ADAM22: variants seen among roughly 807,000 people sequenced by gnomAD.
The protein encoded by ADAM22 is disintegrin and metalloproteinase domain-containing protein 22.
ADAM22 carries 65 observed loss-of-function variants against 144.6 expected under a neutral mutation model. The ratio of observed to expected loss-of-function variants is 0.45; its 90% confidence interval spans 0.37 to 0.55. The LOEUF is 0.55. ADAM22 is among the 20% of genes least tolerant of loss of function. ADAM22 has a pLI of 0.00. For synonymous variants in ADAM22, 391 were observed against 412.6 expected, an observed-to-expected ratio of 0.95 and a Z score of 0.63; for missense variants, 974 against 1,184.9, an observed-to-expected ratio of 0.82 and a Z score of 2.61.
At chr7:88,053,545 CAAAAAAGAAAGA>C (rs1563113421) in intron 3 of ADAM22, among the ~76,000 whole-genome samples, 1 of 103,298 alleles carries the variant, frequency 9.7e-6, no homozygotes, top group Non-Finnish European at 2.0e-5. Context: ...CAGGATAACT[CAAAAAAGAAAGA>C]AAGAAAGAAG....
chr7:88,170,640 G>C (rs977068399), intron 25 of ADAM22, among the ~76,000 whole-genome samples: 1 of 151,864 alleles, frequency 6.6e-6, no homozygotes, highest in African/African-American at 2.4e-5. Context: ...GTTATCAAAC[G>C]TGATATGTAT....
At chr7:88,182,750 ACCT>A (rs765061719) in intron 29 of ADAM22, among the ~76,000 whole-genome samples, 15 of 152,076 alleles carry the variant, frequency 9.9e-5, no homozygotes, top group Non-Finnish European at 1.5e-5. Flanking sequence ...GCAAAACAAA[ACCT>A]CCTCAAATCT....
chr7:87,941,271 A>G (rs970495042), intron 2 of ADAM22, among the ~76,000 whole-genome samples: 2 of 152,210 alleles, frequency 1.3e-5, no homozygotes, highest in Non-Finnish European at 2.9e-5. Flanking sequence ...CCAGTAACAA[A>G]TGGGAAAAAT....
chr7:88,181,778 G>A (rs762763772), intron 28 of ADAM22, among the ~76,000 whole-genome samples, 173 bp downstream of exon 28: 6 of 152,086 alleles, frequency 3.9e-5, no homozygotes, highest in South Asian at 2.1e-4. Flanking sequence ...GATGGGATTC[G>A]GCAGCACCAG....
chr7:88,029,980 A>G (rs1313547126), intron 3 of ADAM22, among the ~76,000 whole-genome samples: 1 of 151,906 alleles, frequency 6.6e-6, no homozygotes, highest in African/African-American at 2.4e-5. Context: ...GGTGTTCTGT[A>G]ATCTTCTTGT....
chr7:88,108,492 G>T (rs185098957), intron 5 of ADAM22, among the ~76,000 whole-genome samples: 1 of 151,944 alleles, frequency 6.6e-6, no homozygotes, highest in South Asian at 2.1e-4. Context: ...CTTTGGGGGG[G>T]TCTAGGCAGG....
intron 4 of ADAM22, among the ~76,000 whole-genome samples, chr7:88,091,390 A>G (rs943616685): frequency 6.6e-6 from 1 of 152,200 alleles, no homozygotes. Flanking sequence ...ATATATTCCT[A>G]TAAGTGCTCA....
chr7:88,067,905 A>G (rs1811705589), intron 3 of ADAM22, among the ~76,000 whole-genome samples: 1 of 152,208 alleles, frequency 6.6e-6, no homozygotes, highest in East Asian at 1.9e-4. Flanking sequence ...AATTATATTT[A>G]CAAACTGGAA....
intron 2 of ADAM22, among the ~76,000 whole-genome samples, chr7:87,965,074 T>C (rs1848748400): frequency 6.6e-6 from 1 of 152,198 alleles, no homozygotes; most frequent in Admixed American, 6.5e-5. Context: ...AGTGTGTTCT[T>C]CCTACCAGTC....
intron 19 of ADAM22, 107 bp from the exon 20 acceptor site, chr7:88,151,150 G>A (rs1013148718): frequency 6.6e-7 from 1 of 1,510,180 alleles, no homozygotes; most frequent in Non-Finnish European, 9.2e-7. Flanking sequence ...AAGATAAAAG[G>A]CCTCTCTACT....
At chr7:87,946,430 G>T (rs1042540495) in intron 2 of ADAM22, among the ~76,000 whole-genome samples, 1 of 152,126 alleles carries the variant, frequency 6.6e-6, no homozygotes, top group Admixed American at 6.6e-5. Flanking sequence ...TGAGGACTCG[G>T]TCATAAATTC....
intron 12 of ADAM22, among the ~76,000 whole-genome samples, chr7:88,133,507 C>A (rs915862380): frequency 6.6e-6 from 1 of 151,904 alleles, no homozygotes; most frequent in Non-Finnish European, 1.5e-5. Flanking sequence ...TCATGTTATG[C>A]TTGGAATAAT....
intron 11 of ADAM22, chr7:88,132,225 A>ATAATAATATATAC: frequency 6.6e-6 from 1 of 151,846 alleles, no homozygotes; most frequent in South Asian, 2.1e-4. Context: ...TAAATAGTAT[A>ATAATAATATATAC]TATTCTCTAA....
chr7:88,142,609 C>T (rs933264141), intron 14 of ADAM22, among the ~76,000 whole-genome samples: 7 of 152,010 alleles, frequency 4.6e-5, no homozygotes, highest in South Asian at 2.1e-4. Context: ...GAGGCCGAGG[C>T]GGGCGGATCA....
Position 88,043,847 on chromosome 7 carries a change from C to G in ADAM22, c.324-31779C>G, listed in dbSNP as rs934355605. Reference sequence around the variant, plus strand: ...TCAGATACATCCATGCAAATCCACACAAGTCCATATGTGGATGTAAATTGT... The same window carrying G: ...TCAGATACATCCATGCAAATCCACAGAAGTCCATATGTGGATGTAAATTGT... On this transcript the variant is annotated intron_variant, in intron 3 of 31. Coordinates refer to ENST00000413139, the MANE Select transcript of ADAM22 (RefSeq NM_001324418.2). 5.6e-4 allele frequency among the ~76,000 whole-genome samples: 85 copies of G among 152,298 alleles called. 1 individual carries two copies. The highest frequency in any genetic ancestry group is 1.9e-3 in the African/African-American group (80 of 41,570).
chr7:88,063,365 C>T (rs1001451704), intron 3 of ADAM22, among the ~76,000 whole-genome samples: 4 of 151,984 alleles, frequency 2.6e-5, no homozygotes, highest in Non-Finnish European at 5.9e-5. Context: ...AATAAAAGTT[C>T]TCCCAGAAAA....
chr7:88,051,640 C>T (rs536260842), intron 3 of ADAM22, among the ~76,000 whole-genome samples: 40 of 151,806 alleles, frequency 2.6e-4, no homozygotes, highest in South Asian at 4.2e-4. Flanking sequence ...ACATGGCACA[C>T]GTATACATAT....
chr7:88,083,959 C>T (rs2129483593), intron 4 of ADAM22, among the ~76,000 whole-genome samples: 1 of 152,164 alleles, frequency 6.6e-6, no homozygotes, highest in African/African-American at 2.4e-5. Flanking sequence ...CTTTTATTCC[C>T]ATCCCTTTTC....
intron 3 of ADAM22, among the ~76,000 whole-genome samples, chr7:88,029,859 C>G (rs943805654): frequency 4.2e-5 from 6 of 142,344 alleles, no homozygotes; most frequent in Admixed American, 3.5e-4. Flanking sequence ...ATTGGAACTT[C>G]ATTGTAGTTT....
Sources: allele counts gnomAD v4.1 joint callset (sites outside exome capture counted in the v4.1 genomes callset), GRCh38; gene constraint gnomAD v4.1.1; transcripts MANE v1.5; gene names NCBI Gene and HGNC (gene_info 2026-07-23, HGNC 2026-07-21).